Variants in GRIK1 observed in about 807,000 individuals in gnomAD.
GRIK1 encodes the protein glutamate receptor ionotropic, kainate 1.
Under a neutral mutation model 105.7 loss-of-function variants are expected in GRIK1, and 69 were observed. The observed-to-expected ratio is 0.65, with a 90% CI of 0.54 to 0.80. The LOEUF is 0.80. GRIK1 is among the 30% of genes least tolerant of loss of function. The pLI is 0.00. For missense variants in GRIK1, 1,109 were observed against 1,167.3 expected (o/e 0.95, Z 0.73); for synonymous variants, 438 against 431.3 (o/e 1.02, Z -0.19).
chr21:29,698,963 A>T (rs899975336), intron 1 of GRIK1, among the ~76,000 whole-genome samples: 1 of 152,204 alleles, frequency 6.6e-6, no homozygotes, highest in Non-Finnish European at 1.5e-5. Context: ...ACACGTTCGT[A>T]TTTAGGATTT....
Position 29,689,943 on chromosome 21 carries a change from G to T in GRIK1, c.329C>A (p.Pro110His). 1 of 1,613,678 alleles carries T rather than the reference G, an allele frequency of 6.2e-7. No homozygotes were observed. The highest frequency in any genetic ancestry group is 8.5e-7 in the Non-Finnish European group (1 of 1,179,700). The change falls in exon 3 of 18, where the codon CCT becomes CAT. Residue 110 changes from proline to histidine, a missense_variant. This residue lies in a region of GRIK1 where 612 missense variants were observed against 586.0 expected (regional missense o/e 1.04). Transcript: ENST00000327783. ...LALGVAALFG[P>H]SHSSSVSAVQ... Reference sequence around the variant, plus strand: ...AGCACTGACGGAGGAGCTATGGGAAGGGCCAAAGAGAGCAGCCACACCAAG... The same window carrying T: ...AGCACTGACGGAGGAGCTATGGGAATGGCCAAAGAGAGCAGCCACACCAAG...
At chr21:29,685,374 G>C (rs575162118) in intron 3 of GRIK1, among the ~76,000 whole-genome samples, 1 of 152,144 alleles carries the variant, frequency 6.6e-6, no homozygotes, top group East Asian at 1.9e-4. Flanking sequence ...GTAGAGAAGA[G>C]AGACAGGCAA....
intron 7 of GRIK1, among the ~76,000 whole-genome samples, chr21:29,635,751 T>TG (rs2062386100): frequency 6.6e-6 from 1 of 152,080 alleles, no homozygotes; most frequent in African/African-American, 2.4e-5. Context: ...GCATACTTTG[T>TG]GGGAATGTCC....
At chr21:29,754,397 A>G (rs2065282489) in intron 1 of GRIK1, among the ~76,000 whole-genome samples, 1 of 152,266 alleles carries the variant, frequency 6.6e-6, no homozygotes, top group African/African-American at 2.4e-5. Flanking sequence ...AACTTCCTAT[A>G]GAAAATGCAT....
chr21:29,549,218 A>G (rs915016224), intron 16 of GRIK1, among the ~76,000 whole-genome samples: 8 of 152,240 alleles, frequency 5.3e-5, no homozygotes, highest in African/African-American at 1.7e-4. Context: ...TTATTATTTA[A>G]CAAAAACTCA....
At chr21:29,716,178 T>C (rs1030658208) in intron 1 of GRIK1, among the ~76,000 whole-genome samples, 3 of 152,192 alleles carry the variant, frequency 2.0e-5, no homozygotes, top group Non-Finnish European at 4.4e-5. Flanking sequence ...TCCCCAACCA[T>C]GCTGCACTGT....
At chr21:29,613,223 G>A (rs545577285) in intron 7 of GRIK1, among the ~76,000 whole-genome samples, 4 of 152,216 alleles carry the variant, frequency 2.6e-5, no homozygotes, top group East Asian at 3.9e-4. Flanking sequence ...TTACAGATAC[G>A]TGATTACTCA....
At chr21:29,674,062 GT>G (rs67796581) in intron 3 of GRIK1, among the ~76,000 whole-genome samples, 19,437 of 143,410 alleles carry the variant, frequency 0.14, 1,742 homozygotes, top group African/African-American at 0.26. Flanking sequence ...GAAAAATTGA[GT>G]TTTTTTTTTT....
chr21:29,918,655 C>T lies in GRIK1; in HGVS notation c.118+20728G>A, dbSNP rs117576297. On this transcript the variant is annotated intron_variant, in intron 1 of 17. Coordinates refer to ENST00000327783, the MANE Select transcript of GRIK1 (RefSeq NM_001330994.2). Reference sequence around the variant, plus strand: ...ATATTTATTTACCAAGCATACTATGCTCTGGTAACTAACAGAAAAATAAGC... The same window carrying T: ...ATATTTATTTACCAAGCATACTATGTTCTGGTAACTAACAGAAAAATAAGC... 1.4e-3 allele frequency among the ~76,000 whole-genome samples: 210 copies of T among 152,122 alleles called. 1 individual carries two copies. Among genetic ancestry groups the T allele is most frequent in the Middle Eastern group, 3.4e-3 (1 of 294 alleles).
intron 4 of GRIK1, among the ~76,000 whole-genome samples, chr21:29,655,551 A>C (rs2146576193): frequency 6.6e-6 from 1 of 152,270 alleles, no homozygotes; most frequent in Non-Finnish European, 1.5e-5. Flanking sequence ...CCTACTTACG[A>C]CTTAGCATAA....
chr21:29,782,143 G>C (rs931518071), intron 1 of GRIK1, among the ~76,000 whole-genome samples: 8 of 148,536 alleles, frequency 5.4e-5, no homozygotes, highest in Non-Finnish European at 1.0e-4. Context: ...CTGGAGTGCA[G>C]TGGCGCGATC....
intron 1 of GRIK1, among the ~76,000 whole-genome samples, chr21:29,736,949 G>A (rs879267759): frequency 1.3e-5 from 2 of 152,076 alleles, no homozygotes; most frequent in Non-Finnish European, 2.9e-5. Context: ...AGAGTGCTGG[G>A]ATTACAGGCG....
chr21:29,807,605 A>G (rs894972506), intron 1 of GRIK1, among the ~76,000 whole-genome samples: 10 of 152,124 alleles, frequency 6.6e-5, no homozygotes, highest in Admixed American at 1.3e-4. Context: ...GACATTCTTT[A>G]AAGAATAATT....
At chr21:29,747,223 G>C (rs985501657) in intron 1 of GRIK1, among the ~76,000 whole-genome samples, 5 of 152,192 alleles carry the variant, frequency 3.3e-5, no homozygotes, top group Non-Finnish European at 7.3e-5. Flanking sequence ...AAAGAATATA[G>C]TCTCAACTGA....
At chr21:29,875,989 TC>T (rs1470043772) in intron 1 of GRIK1, among the ~76,000 whole-genome samples, 1 of 152,132 alleles carries the variant, frequency 6.6e-6, no homozygotes, top group African/African-American at 2.4e-5. Context: ...GCACGTGAGC[TC>T]CCACTGTTTC....
chr21:29,936,979 G>T (rs2071780636), intron 1 of GRIK1, among the ~76,000 whole-genome samples: 1 of 152,132 alleles, frequency 6.6e-6, no homozygotes, highest in Non-Finnish European at 1.5e-5. Context: ...TTATTGGTTG[G>T]TTGATTGTTT....
At chr21:29,775,275 C>CAAAAAA (rs66647707) in intron 1 of GRIK1, among the ~76,000 whole-genome samples, 1 of 74,718 alleles carries the variant, frequency 1.3e-5, no homozygotes, top group African/African-American at 4.8e-5. Context: ...GCCTCTGTCT[C>CAAAAAA]AAAAAAAAAA....
intron 1 of GRIK1, among the ~76,000 whole-genome samples, chr21:29,915,605 C>T (rs1474916524): frequency 6.6e-6 from 1 of 151,976 alleles, no homozygotes; most frequent in East Asian, 1.9e-4. Flanking sequence ...ACACTGTTTA[C>T]TGCGGGAACA....
intron 16 of GRIK1, among the ~76,000 whole-genome samples, chr21:29,539,088 T>A (rs770032669): frequency 1.1e-4 from 17 of 152,208 alleles, no homozygotes. Flanking sequence ...TCATGTGTGC[T>A]AATTTTCTTT....
Sources: allele counts gnomAD v4.1 joint callset (sites outside exome capture counted in the v4.1 genomes callset), GRCh38; gene constraint gnomAD v4.1.1; regional missense constraint gnomAD v4.1.1; transcripts MANE v1.5; gene names NCBI Gene and HGNC (gene_info 2026-07-23, HGNC 2026-07-21).